The following WDR7 variants were observed in gnomAD, a reference collection of about 807,000 sequenced individuals.
WDR7 encodes WD repeat-containing protein 7.
WDR7 carries 46 observed loss-of-function variants against 169.4 expected under a neutral mutation model. The observed-to-expected ratio is 0.27, with a 90% CI of 0.21 to 0.35. The LOEUF is 0.35. Ranked by LOEUF, WDR7 falls within the 10% of genes least tolerant of loss-of-function variation. WDR7 has a pLI of 1.00. For synonymous variants in WDR7, 612 were observed against 666.8 expected (o/e 0.92, Z 1.27); for missense variants, 1,534 against 1,859.3 (o/e 0.83, Z 3.22).
intron 25 of WDR7, among the ~76,000 whole-genome samples, chr18:56,947,541 CT>C: frequency 6.6e-6 from 1 of 152,284 alleles, no homozygotes; most frequent in East Asian, 1.9e-4. Context: ...TTCAGAATTC[CT>C]TGTTAAAATT....
intron 24 of WDR7, 115 bp downstream of exon 24, chr18:56,938,797 GAGAA>G (rs2046994018): frequency 3.4e-6 from 4 of 1,164,516 alleles, no homozygotes; most frequent in East Asian, 2.6e-5. Flanking sequence ...AAGGGTGAGA[GAGAA>G]AGAATGAGTG....
chr18:56,809,262 T>G (rs1599062226), intron 19 of WDR7, among the ~76,000 whole-genome samples: 1 of 152,302 alleles, frequency 6.6e-6, no homozygotes, highest in East Asian at 1.9e-4. Flanking sequence ...TTACTCTCCT[T>G]ATTTCCTTAT....
At chr18:56,817,312 C>A (rs568594695) in intron 20 of WDR7, among the ~76,000 whole-genome samples, 1 of 150,442 alleles carries the variant, frequency 6.6e-6, no homozygotes, top group African/African-American at 2.5e-5. Context: ...CCTCTGCGCT[C>A]CAGCCTAGGC....
intron 18 of WDR7, 142 bp downstream of exon 18, chr18:56,779,691 G>A (rs1599037142): frequency 5.8e-6 from 4 of 683,842 alleles, no homozygotes; most frequent in Non-Finnish European, 9.5e-6. Context: ...CATGATTTAT[G>A]TTTTCTTCTT....
chr18:56,717,909 T>C, intron 12 of WDR7, 55 bp from the exon 13 acceptor site: 1 of 1,466,556 alleles, frequency 6.8e-7, no homozygotes, highest in African/African-American at 1.4e-5. Context: ...GAAAACAGGA[T>C]CCATTTTATT....
chr18:56,862,386 T>C (rs1041898077), intron 20 of WDR7, among the ~76,000 whole-genome samples: 2 of 151,442 alleles, frequency 1.3e-5, no homozygotes, highest in Admixed American at 6.6e-5. Context: ...AACTCTCTCT[T>C]GTGTTTTTTA....
At position 56,717,958 on chromosome 18, in the gene WDR7, T is replaced by C. The variant is rs2026229145; in HGVS notation, c.1579-6T>C. The C allele has an allele frequency of 6.3e-7, 1 of 1,575,056 alleles. No homozygotes were observed. The highest frequency in any genetic ancestry group is 8.6e-7 in the Non-Finnish European group (1 of 1,162,834). On this transcript the variant is annotated splice_polypyrimidine_tract_variant and splice_region_variant and intron_variant, in intron 12 of 27. Coordinates refer to ENST00000254442, the MANE Select transcript of WDR7 (RefSeq NM_015285.3). ...AAACACAATTAAGGTTTATTCTTCT[T>C]TTCAGGCAAGAGTACAGCACTGCAT...
intron 26 of WDR7, among the ~76,000 whole-genome samples, chr18:56,973,056 C>T (rs1454194673): frequency 2.0e-5 from 3 of 152,018 alleles, no homozygotes; most frequent in African/African-American, 4.8e-5. Flanking sequence ...TTAGTGGAGA[C>T]GGGGTTTCAC....
chr18:56,932,876 T>G (rs6566846), intron 22 of WDR7, among the ~76,000 whole-genome samples: 20 of 29,806 alleles, frequency 6.7e-4, no homozygotes, highest in African/African-American at 1.0e-3. Flanking sequence ...TCATTCTGGG[T>G]GTGTGTGTGT....
intron 26 of WDR7, among the ~76,000 whole-genome samples, chr18:57,010,987 A>G (rs1177169261): frequency 6.6e-6 from 1 of 152,104 alleles, no homozygotes; most frequent in African/African-American, 2.4e-5. Context: ...TTTATTCTCT[A>G]TTTTTCTATT....
intron 24 of WDR7, 31 bp downstream of exon 24, chr18:56,938,713 A>G (rs530943848): frequency 2.5e-6 from 4 of 1,610,330 alleles, no homozygotes; most frequent in East Asian, 4.5e-5. Context: ...ATGATCCATC[A>G]GCAACCTAAA....
chr18:56,976,346 G>T (rs1395806923), intron 26 of WDR7, among the ~76,000 whole-genome samples: 1 of 152,150 alleles, frequency 6.6e-6, no homozygotes, highest in East Asian at 1.9e-4. Context: ...AGGAAAGACT[G>T]ACATGAGACA....
downstream of WDR7, chr18:57,033,449 G>C (rs1424929449): frequency 6.6e-6 from 1 of 152,198 alleles, no homozygotes; most frequent in Non-Finnish European, 1.5e-5. Flanking sequence ...TCACTTTGCA[G>C]CCATTATTGC....
In WDR7 at chr18:56,840,702, C is replaced by T. The variant is rs571821496; in HGVS notation, c.3304+24558C>T. ...CTGGTAGTGGCGTGTGCTGGTAGTC[C>T]CAGCTACTCTGGAGGCTACAGTGAG... On this transcript the variant is annotated intron_variant, in intron 20 of 27. Transcript: ENST00000254442. Among the ~76,000 whole-genome samples, 12 of 151,418 alleles carry T rather than the reference C, an allele frequency of 7.9e-5. 2 individuals are homozygous for T. The South Asian group carries it at 2.5e-3, about 32-fold the overall frequency.
intron 20 of WDR7, among the ~76,000 whole-genome samples, chr18:56,846,990 C>T (rs2045577951): frequency 6.6e-6 from 1 of 152,126 alleles, no homozygotes; most frequent in African/African-American, 2.4e-5. Context: ...GTGGAAGCAG[C>T]TTTGGAACTG....
intron 14 of WDR7, among the ~76,000 whole-genome samples, chr18:56,734,711 T>C (rs1038193650): frequency 6.6e-6 from 1 of 152,136 alleles, no homozygotes; most frequent in African/African-American, 2.4e-5. Flanking sequence ...CTCACATTTT[T>C]TTTGTTCATA....
At chr18:56,713,834 G>C (rs946578103) in intron 12 of WDR7, among the ~76,000 whole-genome samples, 24 of 152,144 alleles carry the variant, frequency 1.6e-4, no homozygotes, top group Admixed American at 7.2e-4. Context: ...GAAGAAATAT[G>C]AGTTATAAAG....
At chr18:56,673,760 C>T (rs2025185691) in intron 2 of WDR7, among the ~76,000 whole-genome samples, 1 of 151,664 alleles carries the variant, frequency 6.6e-6, no homozygotes, top group Non-Finnish European at 1.5e-5. Context: ...CACCTGAGCC[C>T]AGGAGGTCCA....
intron 16 of WDR7, among the ~76,000 whole-genome samples, chr18:56,761,213 C>T (rs1353725556): frequency 6.6e-6 from 1 of 152,080 alleles, no homozygotes; most frequent in Non-Finnish European, 1.5e-5. Context: ...TTTTGCCATT[C>T]TGCCCAGGCT....
Sources: allele counts gnomAD v4.1 joint callset (sites outside exome capture counted in the v4.1 genomes callset), GRCh38; gene constraint gnomAD v4.1.1; transcripts MANE v1.5; gene names NCBI Gene and HGNC (gene_info 2026-07-23, HGNC 2026-07-21).